NSMCE2: variants seen among roughly 807,000 people sequenced by gnomAD.
The protein encoded by NSMCE2 is NSE2 SUMO ligase component of SMC5/6 complex.
Under a neutral mutation model 23.8 loss-of-function variants are expected in NSMCE2, and 24 were observed. The ratio of observed to expected loss-of-function variants is 1.01; its 90% CI spans 0.73 to 1.42. NSMCE2 has a LOEUF of 1.42. Ranked by LOEUF, NSMCE2 falls within the 40% of genes most tolerant of loss-of-function variation. The pLI, the probability that NSMCE2 is intolerant of heterozygous loss-of-function variation, is 0.00. For synonymous variants in NSMCE2, 92 were observed against 94.1 expected (o/e 0.98, Z 0.13); for missense variants, 284 against 296.5 (o/e 0.96, Z 0.31).
chr8:125,209,310 A>G (rs1824237525), intron 5 of NSMCE2, among the ~76,000 whole-genome samples: 1 of 152,228 alleles, frequency 6.6e-6, no homozygotes, highest in Non-Finnish European at 1.5e-5. Context: ...GGAAACCCCC[A>G]TTGAGTGATG....
intron 5 of NSMCE2, among the ~76,000 whole-genome samples, chr8:125,306,001 A>G (rs987395544): frequency 2.0e-5 from 3 of 152,200 alleles, no homozygotes; most frequent in South Asian, 4.1e-4. Context: ...GTCAATAGCC[A>G]GGCAATTAGG....
rs183524086 is a variant in NSMCE2 at position 125,151,065 on chromosome 8, A to G, written c.158-106A>G. On this transcript the variant is annotated intron_variant, in intron 3 of 7. Transcript: ENST00000287437. ...TTTTTTAAAAAGATGTAATAGCTCT[A>G]CAAAATTATTTAGACCATTGACTGA... The G allele has an allele frequency of 2.4e-5, 12 of 505,310 alleles. No individual in the cohort carries two copies. In the Admixed American group the frequency reaches 3.0e-4, roughly 13 times the overall value. 31.3% of individuals were successfully genotyped at this position (505,310 alleles called of 1,614,324 possible).
intron 3 of NSMCE2, among the ~76,000 whole-genome samples, chr8:125,118,243 G>A (rs1819115428): frequency 6.6e-6 from 1 of 152,078 alleles, no homozygotes; most frequent in Admixed American, 6.6e-5. Context: ...CTACTCGGGA[G>A]GCTAAGGTGG....
chr8:125,172,302 A>T lies in NSMCE2; in HGVS notation c.265-9801A>T, dbSNP rs572782594. On this transcript the variant is annotated intron_variant, in intron 4 of 7. Transcript: ENST00000287437. The stretch of plus-strand genomic sequence containing the variant: ...TCTTGCTGCAGGGAAAGCTGAGAGA[A>T]TTTCTGGTTCTTACTGCAGTGCAAT... Among the ~76,000 whole-genome samples, 6 of 152,300 alleles carry T rather than the reference A, an allele frequency of 3.9e-5. No individual in the cohort carries two copies. The East Asian group carries it at 1.2e-3, about 29-fold the overall frequency.
chr8:125,339,653 C>A (rs1395166743), intron 5 of NSMCE2, among the ~76,000 whole-genome samples: 3 of 152,152 alleles, frequency 2.0e-5, no homozygotes, highest in Non-Finnish European at 4.4e-5. Context: ...GGCAGAGTGG[C>A]AGCCGTGCTT....
At chr8:125,304,932 AAAG>A in intron 5 of NSMCE2, among the ~76,000 whole-genome samples, 1 of 73,002 alleles carries the variant, frequency 1.4e-5, no homozygotes, top group East Asian at 2.9e-4. Flanking sequence ...AGAAAGAAGG[AAAG>A]AAAGGAAGGA....
At chr8:125,278,419 G>A (rs1827559743) in intron 5 of NSMCE2, among the ~76,000 whole-genome samples, 1 of 152,226 alleles carries the variant, frequency 6.6e-6, no homozygotes, top group Non-Finnish European at 1.5e-5. Context: ...CCCAAGGGCA[G>A]TATGCTAGTG....
At chr8:125,261,049 A>G (rs1298673599) in intron 5 of NSMCE2, among the ~76,000 whole-genome samples, 1 of 152,226 alleles carries the variant, frequency 6.6e-6, no homozygotes, top group African/African-American at 2.4e-5. Context: ...TTCTGAGAAA[A>G]GAAGCCTCGA....
At chr8:125,308,194 T>C (rs1211156805) in intron 5 of NSMCE2, among the ~76,000 whole-genome samples, 1 of 152,092 alleles carries the variant, frequency 6.6e-6, no homozygotes, top group African/African-American at 2.4e-5. Flanking sequence ...TAATCCCAAA[T>C]GAAAAGTGAA....
chr8:125,100,374 ACTTCGTCTTTTATC>A (rs367957117), intron 1 of NSMCE2, among the ~76,000 whole-genome samples: 208 of 151,982 alleles, frequency 1.4e-3, no homozygotes, highest in African/African-American at 4.6e-3. Context: ...CATCTGTTAA[ACTTCGTCTTTTATC>A]CTTTAAACTC....
intron 5 of NSMCE2, among the ~76,000 whole-genome samples, chr8:125,241,076 G>A (rs1309261802): frequency 1.6e-4 from 24 of 152,068 alleles, no homozygotes; most frequent in Admixed American, 1.6e-3. Flanking sequence ...CTATTCTTAC[G>A]GGTTGAATAT....
intron 5 of NSMCE2, among the ~76,000 whole-genome samples, chr8:125,232,518 A>G (rs982604921): frequency 3.3e-5 from 5 of 152,242 alleles, no homozygotes; most frequent in African/African-American, 4.8e-5. Flanking sequence ...ATTTATTACC[A>G]TACTATTAAT....
intron 5 of NSMCE2, among the ~76,000 whole-genome samples, chr8:125,320,233 AAGGG>A (rs1554637678): frequency 1.0e-3 from 21 of 20,428 alleles, no homozygotes; most frequent in South Asian, 6.0e-3. Context: ...GGAGGGAGGG[AAGGG>A]AGGGAGGGAG....
At chr8:125,114,614 G>A (rs1818908151) in intron 3 of NSMCE2, among the ~76,000 whole-genome samples, 2 of 152,234 alleles carry the variant, frequency 1.3e-5, no homozygotes, top group African/African-American at 4.8e-5. Context: ...ACTCGGGGAT[G>A]CGGGGAGCAT....
At chr8:125,257,219 G>C (rs1826471551) in intron 5 of NSMCE2, among the ~76,000 whole-genome samples, 1 of 151,770 alleles carries the variant, frequency 6.6e-6, no homozygotes, top group Non-Finnish European at 1.5e-5. Flanking sequence ...AGAAGGCAGA[G>C]GTTGCAGTGA....
rs553473681 is a variant in NSMCE2, at chr8:125,201,929, C to T, written c.418+19673C>T. On this transcript the variant is annotated intron_variant, in intron 5 of 7. Transcript: ENST00000287437. Reference sequence around the variant, plus strand: ...ACACCCCACCGTCCCCCACCCCATTCCCCCGCCTTCCTGCGAAGCTTCAGC... The same window carrying T: ...ACACCCCACCGTCCCCCACCCCATTTCCCCGCCTTCCTGCGAAGCTTCAGC... Among the ~76,000 whole-genome samples, 7 of 151,550 alleles carry T rather than the reference C, an allele frequency of 4.6e-5. No individual in the cohort carries two copies. In the South Asian group the frequency reaches 1.1e-3, roughly 23 times the overall value.
chr8:125,113,988 TATTAAG>T (rs1301804013), intron 3 of NSMCE2, among the ~76,000 whole-genome samples: 2 of 152,206 alleles, frequency 1.3e-5, no homozygotes, highest in Non-Finnish European at 2.9e-5. Context: ...AATTCCCAGT[TATTAAG>T]ATTAAATCTA....
intron 3 of NSMCE2, among the ~76,000 whole-genome samples, chr8:125,110,817 A>T: frequency 8.8e-6 from 1 of 113,146 alleles, no homozygotes. Flanking sequence ...TTTTTTTTTA[A>T]ATACCCAAAT....
Position 125,165,688 on chromosome 8 carries a change from A to G in NSMCE2, c.264+14411A>G, listed in dbSNP as rs188365943. The stretch of plus-strand genomic sequence containing the variant: ...TATACATTATCTTCAGAAGTATTCT[A>G]TATGTTAGGAAGCATCTAAGTGTGG... On this transcript the variant is annotated intron_variant, in intron 4 of 7. Coordinates refer to ENST00000287437, the MANE Select transcript of NSMCE2 (RefSeq NM_173685.4). Among the ~76,000 whole-genome samples, 245 of 152,330 alleles carry G rather than the reference A, an allele frequency of 1.6e-3. 1 individual carries two copies. Among genetic ancestry groups the G allele is most frequent in the Non-Finnish European group, 2.7e-3 (183 of 68,024 alleles).
Sources: allele counts gnomAD v4.1 joint callset (sites outside exome capture counted in the v4.1 genomes callset), GRCh38; gene constraint gnomAD v4.1.1; transcripts MANE v1.5; gene names NCBI Gene and HGNC (gene_info 2026-07-23, HGNC 2026-07-21).